Variants in ZBTB3 observed in about 807,000 individuals in gnomAD.
ZBTB3 encodes zinc finger and BTB domain containing 3.
In ZBTB3, 15 loss-of-function variants were observed where a neutral mutation model predicts 30.6. That is an observed-to-expected ratio of 0.49 (90% CI 0.33 to 0.75). The LOEUF (loss-of-function observed/expected upper bound fraction) is 0.75. ZBTB3 is among the 30% of genes least tolerant of loss of function. The pLI is 0.02. For synonymous variants in ZBTB3, 258 were observed against 261.7 expected (o/e 0.99, Z 0.14); for missense variants, 599 against 652.1 (o/e 0.92, Z 0.89).
rs139216130 is a variant in ZBTB3 at position 62,752,848 on chromosome 11, G to A, written c.817C>T (p.Pro273Ser). The change falls in exon 2 of 2, where the codon CCC becomes TCC. Residue 273 changes from proline (P) to serine (S), a missense_variant. By Grantham distance (74) the Pro-to-Ser change is moderately conservative (BLOSUM62 -1). Coordinates refer to ENST00000394807, the MANE Select transcript of ZBTB3 (RefSeq NM_001370809.1). The stretch of plus-strand genomic sequence containing the variant: ...GCTGACGTTGGGGCTGAGGCTGGGG[G>A]ATAGAAGCCTTGCAGTGGTCCTCCA... Reference protein sequence around the residue: ...DPGGPLQGFYPPASAPTSAPA... With the variant: ...DPGGPLQGFYSPASAPTSAPA... 81 of 1,613,956 alleles carry A rather than the reference G, an allele frequency of 5.0e-5. No individual in the cohort carries two copies. Among genetic ancestry groups the A allele is most frequent in the Middle Eastern group, 1.6e-4 (1 of 6,080 alleles).
chr11:62,752,698 G>A lies in ZBTB3; in HGVS notation c.967C>T (p.Pro323Ser), dbSNP rs150580761. 1,332 of 1,614,176 alleles carry A rather than the reference G, an allele frequency of 8.3e-4. 11 individuals carry two copies. In the African/African-American group the frequency reaches 0.014, roughly 17 times the overall value. Residue 323 changes from proline (P) to serine (S), a missense_variant, in exon 2 of 2, where the codon CCT (proline) becomes TCT (serine). Transcript: ENST00000394807. The stretch of plus-strand genomic sequence containing the variant: ...GGGAAAGCTCTCTCAGGACCCTGAG[G>A]CTGTTCATCTGACACATCAGTCTCT... ...DEETDVSDEQ[P>S]QGPERAFPSG... is the part of the protein sequence containing the mutation.
rs1488303600 is a variant in ZBTB3, at chr11:62,754,045, C to G, written c.-133G>C. On this transcript the variant is annotated 5_prime_UTR_variant, in exon 1 of 2. Coordinates refer to ENST00000394807, the MANE Select transcript of ZBTB3 (RefSeq NM_001370809.1). ...CAGGCGATGCCTCTACGCCCCACTTCGAGAACTCCCTAAGCATCTCCCTCA... is the reference window on the plus strand; with the variant it reads ...CAGGCGATGCCTCTACGCCCCACTTGGAGAACTCCCTAAGCATCTCCCTCA... 1 of 1,614,172 alleles carries G rather than the reference C, an allele frequency of 6.2e-7. No individual in the cohort carries two copies. The highest frequency in any genetic ancestry group is 1.1e-5 in the South Asian group (1 of 91,082).
rs1257190916 is a variant in ZBTB3 at position 62,753,995 on chromosome 11, G to A, written c.-83C>T. On this transcript the variant is annotated 5_prime_UTR_variant, in exon 1 of 2. Transcript: ENST00000394807. ...GCGTCCAACGGCTCCACGAAGTAGA[G>A]ATCTTTTTCGCTCCCAGGCCTTGCC... The A allele has an allele frequency of 6.2e-7, 1 of 1,613,880 alleles. No individual in the cohort carries two copies. The highest frequency in any genetic ancestry group is 2.2e-5 in the East Asian group (1 of 44,856).
chr11:62,753,895 C>T, intron 1 of ZBTB3, 69 bp downstream of exon 1: 1 of 1,584,628 alleles, frequency 6.3e-7, no homozygotes, highest in South Asian at 1.1e-5. Context: ...ACAGGCCCCA[C>T]CCCCGTCCGA....
rs1565179279 is a variant in ZBTB3 at position 62,753,331 on chromosome 11, C to T, written c.334G>A (p.Val112Ile). The T allele has an allele frequency of 6.2e-7, 1 of 1,614,090 alleles. No homozygotes were observed. ...AASYLHMNDIVKVCKRRLQAR... is the reference protein window; with the variant it reads ...AASYLHMNDIIKVCKRRLQAR... ...TGAAGCCGCCGCTTACACACCTTGA[C>T]GATGTCATTCATGTGCAAGTAGCTG... The change falls in exon 2 of 2, where the codon GTC becomes ATC. Residue 112 changes from valine (V) to isoleucine (I), a missense_variant. Transcript: ENST00000394807.
In ZBTB3 at chr11:62,752,714, A is replaced by G. The variant is rs1339304705; in HGVS notation, c.951T>C (p.Asp317=). ...GACCCTGAGGCTGTTCATCTGACAC[A>G]TCAGTCTCTTCATCAGAGATCACAA... ...EAIVISDEET[D]VSDEQPQGPE... is the part of the protein sequence containing the mutation. Residue 317 remains aspartate, a synonymous_variant, in exon 2 of 2, where the codon GAT becomes GAC. Coordinates refer to ENST00000394807, the MANE Select transcript of ZBTB3 (RefSeq NM_001370809.1). The G allele has an allele frequency of 1.2e-6, 2 of 1,614,182 alleles. No individual in the cohort carries two copies. The highest frequency in any genetic ancestry group is 2.2e-5 in the East Asian group (1 of 44,876).
rs1389121931 is a variant in ZBTB3 at position 62,751,656 on chromosome 11, T to C, written c.*434A>G. 1.5e-5 allele frequency: 2 copies of C among 136,724 alleles called. No homozygotes were observed. Among genetic ancestry groups the C allele is most frequent in the African/African-American group, 5.7e-5 (2 of 35,154 alleles). The allele number at this position is 136,724 out of a possible 1,614,324, so 8.5% of individuals were successfully genotyped here. On this transcript the variant is annotated 3_prime_UTR_variant, in exon 2 of 2. Transcript: ENST00000394807. ...AAAAAAAAAAGGCAGCTGGGCGCGG[T>C]GGCTCATGCCTGTAATCCCAGCACT...
chr11:62,753,130 G>T lies in ZBTB3; in HGVS notation c.535C>A (p.Pro179Thr). ...GGCTCATCTGGAGGACGGACAGTAG[G>T]TGAGGGAGCAGCAGAGCCTTTCCAT... ...GEWKGSAAPS[P>T]TVRPPDEPPM... The change falls in exon 2 of 2, where the codon CCT (proline) becomes ACT (threonine). Residue 179 changes from proline to threonine, a missense_variant. Transcript: ENST00000394807. 1 of 1,614,208 alleles carries T rather than the reference G, an allele frequency of 6.2e-7. No homozygotes were observed. The highest frequency in any genetic ancestry group is 8.5e-7 in the Non-Finnish European group (1 of 1,180,040).
Position 62,753,565 on chromosome 11 carries a change from G to T in ZBTB3, c.100C>A (p.Gln34Lys), listed in dbSNP as rs1565179441. 2 of 1,614,080 alleles carry T rather than the reference G, an allele frequency of 1.2e-6. No homozygotes were observed. Among genetic ancestry groups the T allele is most frequent in the Non-Finnish European group, 1.7e-6 (2 of 1,180,002 alleles). Reference sequence around the variant, plus strand: ...AGCACAGCCCGATGGGCCAAGAACTGGGTACTACCCACCATCACGGTGCAG... The same window carrying T: ...AGCACAGCCCGATGGGCCAAGAACTTGGTACTACCCACCATCACGGTGCAG... ...CDCTVMVGST[Q>K]FLAHRAVLAS... Residue 34 changes from glutamine (Q) to lysine (K), a missense_variant, in exon 2 of 2, where the codon CAG (glutamine) becomes AAG (lysine). Gln to Lys is a moderately conservative substitution (Grantham distance 53). Transcript: ENST00000394807.
rs767014129 is a variant in ZBTB3, at chr11:62,753,362, T to C, written c.303A>G (p.Ala101=). The part of the protein sequence containing the change: ...RGDTPVEDVL[A]AASYLHMNDI... ...CATTCATGTGCAAGTAGCTGGCAGC[T>C]GCCAGCACATCCTCCACAGGGGTAT... The change falls in exon 2 of 2, where the codon GCA becomes GCG. Residue 101 remains alanine (A), a synonymous_variant. Coordinates refer to ENST00000394807, the MANE Select transcript of ZBTB3 (RefSeq NM_001370809.1). The C allele has an allele frequency of 4.3e-6, 7 of 1,613,992 alleles. No individual in the cohort carries two copies. Among genetic ancestry groups the C allele is most frequent in the Non-Finnish European group, 5.9e-6 (7 of 1,180,040 alleles).
Position 62,753,229 on chromosome 11 carries a change from A to G in ZBTB3, c.436T>C (p.Leu146=). 6.2e-7 allele frequency: 1 copy of G among 1,614,112 alleles called. No homozygotes were observed. The part of the protein sequence containing the change: ...TNSQLPSLEF[L]SSTSRGTQPS... ...TGGGTGCCACGGGAAGTACTAGACA[A>G]AAACTCCAAACTAGGAAGCTGTGAG... is the stretch of plus-strand genomic sequence containing the variant. Residue 146 remains leucine, a synonymous_variant, in exon 2 of 2, where the codon TTG becomes CTG. Transcript: ENST00000394807.
At position 62,753,000 on chromosome 11, in the gene ZBTB3, G is replaced by T; in HGVS notation, c.665C>A (p.Pro222His). The T allele has an allele frequency of 6.2e-7, 1 of 1,614,108 alleles. No individual in the cohort carries two copies. Among genetic ancestry groups the T allele is most frequent in the Non-Finnish European group, 8.5e-7 (1 of 1,179,998 alleles). ...PPVADVSLASPSSSTETIPTN... is the reference protein window; with the variant it reads ...PPVADVSLASHSSSTETIPTN... ...AGGAATGGTCTCAGTGGAGCTACTA[G>T]GGCTGGCAAGAGAGACATCAGCCAC... The change falls in exon 2 of 2, where the codon CCT (proline) becomes CAT (histidine). Residue 222 changes from proline to histidine, a missense_variant. Coordinates refer to ENST00000394807, the MANE Select transcript of ZBTB3 (RefSeq NM_001370809.1).
chr11:62,753,846 C>A, intron 1 of ZBTB3, 118 bp downstream of exon 1: 2 of 1,541,534 alleles, frequency 1.3e-6, no homozygotes, highest in Non-Finnish European at 1.7e-6. Flanking sequence ...ACACCCAAAG[C>A]TCTCCCATTA....
rs377221715 is a variant in ZBTB3, at chr11:62,753,214, G to C, written c.451C>G (p.Arg151Gly). The change falls in exon 2 of 2, where the codon CGT becomes GGT. Residue 151 changes from arginine to glycine, a missense_variant. By Grantham distance (125) the Arg-to-Gly change is moderately radical (BLOSUM62 -2). Transcript: ENST00000394807. ...PSLEFLSSTSRGTQPSLASAE... is the reference protein window; with the variant it reads ...PSLEFLSSTSGGTQPSLASAE... ...GATGCCAACGAAGGTTGGGTGCCAC[G>C]GGAAGTACTAGACAAAAACTCCAAA... The C allele has an allele frequency of 1.9e-6, 3 of 1,614,044 alleles. No homozygotes were observed. In the South Asian group the frequency reaches 3.3e-5, roughly 18 times the overall value.
Position 62,752,054 on chromosome 11 carries a change from G to A in ZBTB3, c.*36C>T. 1 of 1,543,922 alleles carries A rather than the reference G, an allele frequency of 6.5e-7. No homozygotes were observed. Among genetic ancestry groups the A allele is most frequent in the African/African-American group, 1.4e-5 (1 of 73,168 alleles). Reference sequence around the variant, plus strand: ...CCAACCTTCTGAGCTGCCATCTAAGGATGGTAAGAGCAGCCTAGCATCAGC... The same window carrying A: ...CCAACCTTCTGAGCTGCCATCTAAGAATGGTAAGAGCAGCCTAGCATCAGC... On this transcript the variant is annotated 3_prime_UTR_variant, in exon 2 of 2. Coordinates refer to ENST00000394807, the MANE Select transcript of ZBTB3 (RefSeq NM_001370809.1).
Position 62,753,296 on chromosome 11 carries a change from GGCCCGGGCTTGAAGCC to G in ZBTB3, c.353_368del (p.Arg118ProfsTer134), listed in dbSNP as rs754500801. 1 of 1,613,952 alleles carries G rather than the reference GGCCCGGGCTTGAAGCC, an allele frequency of 6.2e-7. No homozygotes were observed. The highest frequency in any genetic ancestry group is 8.5e-7 in the Non-Finnish European group (1 of 1,180,032). ...TCTTGGTACTGTCTGCCTCTGCCAGGGCCCGGGCTTGAAGCCGCCGCTTACACACCTTGACGATGTC... is the reference window on the plus strand; with the variant it reads ...TCTTGGTACTGTCTGCCTCTGCCAGGGCCGCTTACACACCTTGACGATGTC... On this transcript the variant is annotated frameshift_variant, in exon 2 of 2. Transcript: ENST00000394807. LOFTEE classifies it high-confidence loss of function.
chr11:62,753,518 G>C lies in ZBTB3; in HGVS notation c.147C>G (p.Phe49Leu). Residue 49 changes from phenylalanine (F) to leucine (L), a missense_variant, in exon 2 of 2, where the codon TTC (phenylalanine) becomes TTG (leucine). Transcript: ENST00000394807. ...RAVLASCSPF[F>L]QLFYKERELD... ...ATTCCCGCTCCTTGTAGAAAAGCTG[G>C]AAGAATGGGCTGCAGGAGGCCAGCA... is the stretch of plus-strand genomic sequence containing the variant. 6.2e-7 allele frequency: 1 copy of C among 1,614,196 alleles called. No homozygotes were observed. Among genetic ancestry groups the C allele is most frequent in the Non-Finnish European group, 8.5e-7 (1 of 1,180,034 alleles).
Position 62,751,351 on chromosome 11 carries a change from C to T in ZBTB3, c.*739G>A, listed in dbSNP as rs2084008388. On this transcript the variant is annotated 3_prime_UTR_variant, in exon 2 of 2. Coordinates refer to ENST00000394807, the MANE Select transcript of ZBTB3 (RefSeq NM_001370809.1). ...AGGCACGGTGGCTCAAGCCTGTAAT[C>T]CCAGCACTTTGGGAGGCTGAGGCGG... The T allele has an allele frequency of 6.6e-6, 1 of 151,988 alleles. No individual in the cohort carries two copies. The highest frequency in any genetic ancestry group is 2.4e-5 in the African/African-American group (1 of 41,334). 9.4% of individuals were successfully genotyped at this position (151,988 alleles called of 1,614,324 possible).
At position 62,753,424 on chromosome 11, in the gene ZBTB3, C is replaced by G; in HGVS notation, c.241G>C (p.Asp81His). ...GTCAGCTGGCCAGCATACATAAAGT[C>G]CAGAAGCAGCCCAAAGGCTGGGGCT... ...VTAPAFGLLL[D>H]FMYAGQLTLR... is the part of the protein sequence containing the mutation. Residue 81 changes from aspartate (D) to histidine (H), a missense_variant, in exon 2 of 2, where the codon GAC (aspartate) becomes CAC (histidine). Physicochemically the swap from Asp to His is moderately conservative, Grantham distance 81. Transcript: ENST00000394807. 6.2e-7 allele frequency: 1 copy of G among 1,614,196 alleles called. No individual in the cohort carries two copies. Among genetic ancestry groups the G allele is most frequent in the Non-Finnish European group, 8.5e-7 (1 of 1,180,036 alleles).
Sources: allele counts gnomAD v4.1 joint callset, GRCh38; gene constraint gnomAD v4.1.1; transcripts MANE v1.5; gene names NCBI Gene and HGNC (gene_info 2026-07-23, HGNC 2026-07-21).